Variants in CWC27 observed in about 807,000 individuals in gnomAD.
CWC27 encodes the protein CWC27 spliceosome associated cyclophilin.
A neutral mutation model predicts 63.6 loss-of-function variants in CWC27; 47 were observed. That is an observed-to-expected ratio of 0.74 (90% CI 0.58 to 0.94). CWC27 has a LOEUF of 0.94. CWC27 is among the 40% of genes least tolerant of loss of function. CWC27 has a pLI of 0.00. For missense variants in CWC27, 495 were observed against 554.3 expected, an observed-to-expected ratio of 0.89 and a Z score of 1.07; for synonymous variants, 175 against 179.8, an observed-to-expected ratio of 0.97 and a Z score of 0.22.
At chr5:64,908,150 T>C (rs1340134809) in intron 11 of CWC27, among the ~76,000 whole-genome samples, 1 of 152,148 alleles carries the variant, frequency 6.6e-6, no homozygotes, top group Non-Finnish European at 1.5e-5. Context: ...TTACCCAGGA[T>C]TCACTCAGGA....
At chr5:64,878,989 G>A (rs1359585305) in intron 10 of CWC27, among the ~76,000 whole-genome samples, 1 of 151,864 alleles carries the variant, frequency 6.6e-6, no homozygotes, top group Non-Finnish European at 1.5e-5. Context: ...AAAATGAATG[G>A]AAGAAAGGTC....
intron 13 of CWC27, among the ~76,000 whole-genome samples, chr5:64,982,600 C>A (rs1273149047): frequency 1.3e-5 from 2 of 151,948 alleles, no homozygotes; most frequent in African/African-American, 4.8e-5. Context: ...GAGAGTGTTT[C>A]AATTATTTTC....
At chr5:64,927,979 A>G (rs1748153220) in intron 11 of CWC27, among the ~76,000 whole-genome samples, 1 of 151,856 alleles carries the variant, frequency 6.6e-6, no homozygotes, top group Non-Finnish European at 1.5e-5. Flanking sequence ...ACATGGTAAA[A>G]CCCCATTTTT....
chr5:64,935,007 A>T (rs568169011), intron 11 of CWC27, among the ~76,000 whole-genome samples: 2 of 152,094 alleles, frequency 1.3e-5, no homozygotes, highest in African/African-American at 4.8e-5. Context: ...ATATTAGCCC[A>T]TTGTCAAATG....
intron 2 of CWC27, among the ~76,000 whole-genome samples, chr5:64,778,180 T>TA (rs1743526820): frequency 1.3e-5 from 2 of 151,988 alleles, no homozygotes; most frequent in African/African-American, 4.8e-5. Flanking sequence ...TCTTGCTTCA[T>TA]AAGTAGTTCT....
rs544511154 is a variant in CWC27 at position 64,769,030 on chromosome 5, T to C, written c.-117T>C. 47 of 843,460 alleles carry C rather than the reference T, an allele frequency of 5.6e-5. No individual in the cohort carries two copies. The East Asian group carries it at 1.1e-3, about 20-fold the overall frequency. 52.2% of individuals were successfully genotyped at this position (843,460 alleles called of 1,614,324 possible). On this transcript the variant is annotated 5_prime_UTR_variant, in exon 1 of 14. Transcript: ENST00000381070. ...CCTGTCTTGCGTGATATTGACAAAC[T>C]GAAGCTTTCCTGCACCACTGGACTT...
intron 11 of CWC27, among the ~76,000 whole-genome samples, chr5:64,917,896 G>C (rs545429215): frequency 6.6e-6 from 1 of 151,478 alleles, no homozygotes; most frequent in Non-Finnish European, 1.5e-5. Flanking sequence ...GAAACTTCTC[G>C]GGCTCCATTA....
At chr5:64,983,254 T>C (rs140208325) in intron 13 of CWC27, among the ~76,000 whole-genome samples, 9 of 152,278 alleles carry the variant, frequency 5.9e-5, no homozygotes, top group Non-Finnish European at 1.2e-4. Flanking sequence ...AAACAAAAAA[T>C]TTAGTGATAT....
chr5:64,947,251 A>T (rs1748608763), intron 11 of CWC27, among the ~76,000 whole-genome samples: 1 of 152,054 alleles, frequency 6.6e-6, no homozygotes, highest in Non-Finnish European at 1.5e-5. Context: ...CATCAGATAA[A>T]GCTGTTACTA....
chr5:64,837,065 A>C (rs1293672548), intron 10 of CWC27, among the ~76,000 whole-genome samples: 1 of 152,126 alleles, frequency 6.6e-6, no homozygotes, highest in South Asian at 2.1e-4. Context: ...TCATGTCTGC[A>C]GTAAGACATT....
At chr5:64,812,873 C>T (rs1744916345) in intron 10 of CWC27, among the ~76,000 whole-genome samples, 2 of 152,154 alleles carry the variant, frequency 1.3e-5, no homozygotes, top group South Asian at 2.1e-4. Context: ...CTCTGCTAGA[C>T]GTGCATACAA....
intron 9 of CWC27, among the ~76,000 whole-genome samples, chr5:64,803,920 G>A (rs1166705232): frequency 6.6e-6 from 1 of 151,986 alleles, no homozygotes; most frequent in Non-Finnish European, 1.5e-5. Context: ...GATAAGAATA[G>A]GAATATAGAC....
chr5:64,994,538 C>T (rs1015130728), intron 13 of CWC27, among the ~76,000 whole-genome samples: 3 of 152,138 alleles, frequency 2.0e-5, no homozygotes, highest in Non-Finnish European at 2.9e-5. Context: ...CAGTTGTTAT[C>T]TGTTCACTTT....
rs10543229 is a variant in CWC27 at position 64,801,476 on chromosome 5, CAG to C, written c.780+146_780+147del. On this transcript the variant is annotated intron_variant, in intron 9 of 13. Coordinates refer to ENST00000381070, the MANE Select transcript of CWC27 (RefSeq NM_005869.4). ...TCAAATTTTGGAAAAATATGAAAAACAGAAATTATTTAGGTGTTAGACTATTT... is the reference window on the plus strand; with the variant it reads ...TCAAATTTTGGAAAAATATGAAAAACAAATTATTTAGGTGTTAGACTATTT... The C allele has an allele frequency of 3.3e-3, 2,312 of 695,168 alleles. 35 individuals carry two copies. The African/African-American group carries it at 0.036, about 11-fold the overall frequency. The allele number at this position is 695,168 out of a possible 1,614,324, so 43.1% of individuals were successfully genotyped here. A position where few individuals can be genotyped will look rare whatever the true frequency, so the allele number is the denominator to read the frequency against.
At chr5:64,916,806 A>G (rs1223186376) in intron 11 of CWC27, among the ~76,000 whole-genome samples, 1 of 152,082 alleles carries the variant, frequency 6.6e-6, no homozygotes, top group Non-Finnish European at 1.5e-5. Flanking sequence ...TGGCATGTTC[A>G]TTTGTTTATT....
At chr5:64,964,963 A>G (rs1748987331) in intron 11 of CWC27, among the ~76,000 whole-genome samples, 1 of 152,202 alleles carries the variant, frequency 6.6e-6, no homozygotes, top group Admixed American at 6.5e-5. Flanking sequence ...CCAAGTAGTA[A>G]AACTCAAAGA....
intron 10 of CWC27, among the ~76,000 whole-genome samples, chr5:64,857,308 A>G (rs974139003): frequency 1.3e-5 from 2 of 152,142 alleles, no homozygotes; most frequent in Admixed American, 1.3e-4. Context: ...CAGGCAGAAG[A>G]TGCTCAGTCA....
At chr5:64,878,094 A>G (rs1294691887) in intron 10 of CWC27, among the ~76,000 whole-genome samples, 1 of 151,904 alleles carries the variant, frequency 6.6e-6, no homozygotes, top group East Asian at 1.9e-4. Flanking sequence ...CCTTACTTAA[A>G]CTATTTTTCT....
chr5:64,774,582 AT>A lies in CWC27; in HGVS notation c.43-106del, dbSNP rs1743374723. 4 of 563,770 alleles carry A rather than the reference AT, an allele frequency of 7.1e-6. No individual in the cohort carries two copies. The Middle Eastern group carries it at 1.5e-3, about 206-fold the overall frequency. The allele number at this position is 563,770 out of a possible 1,614,324, so 34.9% of individuals were successfully genotyped here. On this transcript the variant is annotated intron_variant, in intron 1 of 13. Coordinates refer to ENST00000381070, the MANE Select transcript of CWC27 (RefSeq NM_005869.4). Reference sequence around the variant, plus strand: ...ACAAAAGCCAAACACAATTTTTAATATTTCTTTTAAAATTGAAAACTCACTA... The same window carrying A: ...ACAAAAGCCAAACACAATTTTTAATATTCTTTTAAAATTGAAAACTCACTA...
Sources: allele counts gnomAD v4.1 joint callset (sites outside exome capture counted in the v4.1 genomes callset), GRCh38; gene constraint gnomAD v4.1.1; transcripts MANE v1.5; gene names NCBI Gene and HGNC (gene_info 2026-07-23, HGNC 2026-07-21).